The following VWA3A variants were observed in gnomAD, a reference collection of about 807,000 sequenced individuals.
VWA3A encodes von Willebrand factor A domain-containing protein 3A.
A neutral mutation model predicts 160.4 loss-of-function variants in VWA3A; 134 were observed. The observed-to-expected ratio is 0.84, with a 90% CI of 0.73 to 0.96. The LOEUF is 0.96. Ranked by LOEUF, VWA3A falls within the 40% of genes least tolerant of loss-of-function variation. The probability of loss-of-function intolerance (pLI) is 0.00; values close to 1 mark genes in which losing one functional copy is unlikely to be tolerated. For missense variants in VWA3A, 1,310 were observed against 1,447.9 expected (o/e 0.90, Z 1.55); for synonymous variants, 476 against 543.4 (o/e 0.88, Z 1.72).
At chr16:22,092,831 G>A (rs1336465478) in intron 1 of VWA3A, among the ~76,000 whole-genome samples, 180 bp downstream of exon 1, 1 of 152,000 alleles carries the variant, frequency 6.6e-6, no homozygotes, top group Non-Finnish European at 1.5e-5. Context: ...TCATGGAGCC[G>A]GTCTAGGAGA....
chr16:22,092,744 G>C, intron 1 of VWA3A, 93 bp downstream of exon 1: 3 of 1,502,132 alleles, frequency 2.0e-6, no homozygotes, highest in Non-Finnish European at 2.7e-6. Flanking sequence ...AAGATCGAGG[G>C]AGCTTGGGGT....
rs1567206130 is a variant in VWA3A, at chr16:22,121,067, A to T, written c.1216A>T (p.Thr406Ser). 1 of 1,613,856 alleles carries T rather than the reference A, an allele frequency of 6.2e-7. No individual in the cohort carries two copies. The highest frequency in any genetic ancestry group is 8.5e-7 in the Non-Finnish European group (1 of 1,179,902). ...LTIEFPNLDKTSAEWLKVNGL... is the reference protein window; with the variant it reads ...LTIEFPNLDKSSAEWLKVNGL... ...CATTGAGTTTCCAAACTTGGACAAG[A>T]CTTCTGCAGAGTGGCTTAAGGTCAA... Residue 406 changes from threonine to serine, a missense_variant, in exon 13 of 34, where the codon ACT becomes TCT. Transcript: ENST00000389398.
At chr16:22,097,167 G>A (rs923376708) in intron 2 of VWA3A, among the ~76,000 whole-genome samples, 1 of 151,998 alleles carries the variant, frequency 6.6e-6, no homozygotes, top group South Asian at 2.1e-4. Context: ...GGGTTTCACC[G>A]TGTTAACCAG....
At chr16:22,124,567 T>C (rs906328917) in intron 16 of VWA3A, among the ~76,000 whole-genome samples, 3 of 139,714 alleles carry the variant, frequency 2.1e-5, no homozygotes, top group South Asian at 2.2e-4. Flanking sequence ...TTATTATTAT[T>C]ATTATTATTA....
chr16:22,103,394 C>A, intron 5 of VWA3A, 81 bp from the exon 6 acceptor site: 1 of 1,286,100 alleles, frequency 7.8e-7, no homozygotes, highest in Non-Finnish European at 1.1e-6. Context: ...ATTATTCATA[C>A]CTGCCTTTTG....
intron 28 of VWA3A, among the ~76,000 whole-genome samples, chr16:22,149,126 T>C (rs1259175989): frequency 6.6e-6 from 1 of 152,190 alleles, no homozygotes; most frequent in Non-Finnish European, 1.5e-5. Flanking sequence ...CGTGAGGTGT[T>C]GCTGTTATCG....
At chr16:22,139,725 T>G (rs2046108874) in intron 22 of VWA3A, among the ~76,000 whole-genome samples, 2 of 151,516 alleles carry the variant, frequency 1.3e-5, no homozygotes, top group African/African-American at 2.4e-5. Context: ...AAAAAAAAAC[T>G]GAGGTGCCTG....
intron 6 of VWA3A, 75 bp from the exon 7 acceptor site, chr16:22,109,407 G>A (rs1279308351): frequency 2.0e-5 from 25 of 1,245,448 alleles, no homozygotes; most frequent in Non-Finnish European, 2.7e-5. Flanking sequence ...GCATCACTGC[G>A]TGGCACAGAG....
At chr16:22,113,178 TG>T (rs1222360200) in intron 8 of VWA3A, among the ~76,000 whole-genome samples, 2 of 151,828 alleles carry the variant, frequency 1.3e-5, no homozygotes, top group Non-Finnish European at 2.9e-5. Context: ...TTTATTTATT[TG>T]GTTTTTTTGT....
chr16:22,128,982 C>T (rs1435340530), intron 17 of VWA3A, among the ~76,000 whole-genome samples: 1 of 152,010 alleles, frequency 6.6e-6, no homozygotes, highest in South Asian at 2.1e-4. Flanking sequence ...GGGTACTAGG[C>T]TTAATACCTG....
chr16:22,145,624 G>A (rs1361994801), intron 26 of VWA3A, among the ~76,000 whole-genome samples: 3 of 147,116 alleles, frequency 2.0e-5, no homozygotes, highest in Middle Eastern at 3.5e-3. Flanking sequence ...CTGGGCAACC[G>A]ACTGAGACTC....
At chr16:22,145,008 A>G (rs1447767033) in intron 26 of VWA3A, among the ~76,000 whole-genome samples, 2 of 152,174 alleles carry the variant, frequency 1.3e-5, no homozygotes, top group South Asian at 2.1e-4. Flanking sequence ...CTGTACCCCA[A>G]TACTGATGAT....
In VWA3A at chr16:22,151,594, G is replaced by C. The variant is rs903336450; in HGVS notation, c.3281+748G>C. Among the ~76,000 whole-genome samples the C allele has an allele frequency of 1.6e-4, 25 of 152,120 alleles. No homozygotes were observed. The East Asian group carries it at 4.8e-3, about 29-fold the overall frequency. On this transcript the variant is annotated intron_variant, in intron 30 of 33. Coordinates refer to ENST00000389398, the MANE Select transcript of VWA3A (RefSeq NM_173615.5). ...TCACTATAGACCATGTGCTATGACC[G>C]GGCACAATGGCTCATGCCTATAATC...
At chr16:22,148,396 GC>G in intron 28 of VWA3A, 90 bp downstream of exon 28, 1 of 1,464,970 alleles carries the variant, frequency 6.8e-7, no homozygotes, top group Non-Finnish European at 9.1e-7. Context: ...GTGCCAACAG[GC>G]CTGGAGTTTC....
chr16:22,097,571 G>A lies in VWA3A; in HGVS notation c.102-1G>A, dbSNP rs553727543. The A allele has an allele frequency of 1.3e-6, 2 of 1,551,418 alleles. No individual in the cohort carries two copies. The highest frequency in any genetic ancestry group is 2.4e-5 in the East Asian group (1 of 40,916). On this transcript the variant is annotated splice_acceptor_variant, in intron 2 of 33. Coordinates refer to ENST00000389398, the MANE Select transcript of VWA3A (RefSeq NM_173615.5). LOFTEE classifies it high-confidence loss of function. ...TGATCAAATTACTTTATGTTTTGTA[G>A]CATTAGGAGAAACACTGGCAGAGAT...
intron 22 of VWA3A, 37 bp downstream of exon 22, chr16:22,138,549 G>T: frequency 1.9e-6 from 3 of 1,611,762 alleles, no homozygotes; most frequent in South Asian, 1.1e-5. Flanking sequence ...AGAAGATTTG[G>T]TTTCCTGTTT....
At chr16:22,131,153 C>T in intron 17 of VWA3A, 52 bp from the exon 18 acceptor site, 1 of 1,568,800 alleles carries the variant, frequency 6.4e-7, no homozygotes, top group Non-Finnish European at 8.7e-7. Context: ...AGAGGTGGGC[C>T]ACCAAGTGGA....
chr16:22,135,536 A>G (rs1431429202), intron 21 of VWA3A, among the ~76,000 whole-genome samples: 1 of 152,148 alleles, frequency 6.6e-6, no homozygotes, highest in East Asian at 1.9e-4. Context: ...ACCTCATCCC[A>G]TGTCAGCTTC....
intron 16 of VWA3A, 84 bp from the exon 17 acceptor site, chr16:22,126,094 A>G (rs572807414): frequency 6.3e-7 from 1 of 1,578,634 alleles, no homozygotes; most frequent in South Asian, 1.2e-5. Flanking sequence ...TCCCCTGGAA[A>G]AAAACTTTAA....
Sources: gnomAD v4.1 joint callset for allele counts (sites outside exome capture counted in the v4.1 genomes callset) on GRCh38, gnomAD v4.1.1 for gene constraint, MANE v1.5 for transcripts, NCBI Gene and HGNC (gene_info 2026-07-23, HGNC 2026-07-21) for gene names.